ATP10B: variants seen among roughly 807,000 people sequenced by gnomAD.
ATP10B encodes the protein ATPase phospholipid transporting 10B (putative), also known as phospholipid-transporting ATPase VB.
A neutral mutation model predicts 141.2 loss-of-function variants in ATP10B; 122 were observed. The ratio of observed to expected loss-of-function variants is 0.86; its 90% confidence interval spans 0.75 to 1.00. The LOEUF (loss-of-function observed/expected upper bound fraction) is 1.00. Among genes scored for constraint, ATP10B ranks in the 50% least tolerant of loss-of-function variants. The probability of loss-of-function intolerance (pLI) is 0.00; values close to 1 mark genes in which losing one functional copy is unlikely to be tolerated. For missense variants in ATP10B, 1,876 were observed against 1,825.3 expected (o/e 1.03, Z -0.51); for synonymous variants, 685 against 692.0 (o/e 0.99, Z 0.16).
At chr5:160,867,856 A>G in the ATP10B span, among the ~76,000 whole-genome samples, 2 of 152,090 alleles carry the variant, frequency 1.3e-5, no homozygotes, top group Non-Finnish European at 2.9e-5. Flanking sequence ...AAATCACTCA[A>G]TTGTCTTCGT....
chr5:160,640,341 T>A, intron 10 of ATP10B, 120 bp downstream of exon 10: 2 of 1,143,654 alleles, frequency 1.7e-6, no homozygotes, highest in Non-Finnish European at 2.4e-6. Context: ...TGGCATCCCG[T>A]TAAAGTGGGC....
At chr5:160,841,949 T>C (rs1775834186) in intron 1 of ATP10B, among the ~76,000 whole-genome samples, 2 of 152,186 alleles carry the variant, frequency 1.3e-5, no homozygotes, top group African/African-American at 4.8e-5. Context: ...GGTCTTGAAC[T>C]CCTGACCTCA....
chr5:160,824,834 A>G (rs1186416342), intron 1 of ATP10B, among the ~76,000 whole-genome samples: 1 of 152,168 alleles, frequency 6.6e-6, no homozygotes, highest in East Asian at 1.9e-4. Flanking sequence ...ATTGCATGTG[A>G]GAAGGCACTA....
intron 22 of ATP10B, among the ~76,000 whole-genome samples, chr5:160,592,529 G>T (rs937399879): frequency 3.3e-5 from 5 of 152,350 alleles, no homozygotes; most frequent in Admixed American, 2.0e-4. Flanking sequence ...GAGGTACCGG[G>T]TTCATCTCAC....
At chr5:160,837,350 A>G (rs1437799527) in intron 1 of ATP10B, among the ~76,000 whole-genome samples, 1 of 152,164 alleles carries the variant, frequency 6.6e-6, no homozygotes, top group Non-Finnish European at 1.5e-5. Context: ...AGGTCAAGGG[A>G]TATATTTAAT....
At chr5:160,726,483 A>C (rs1433175915) in intron 2 of ATP10B, among the ~76,000 whole-genome samples, 2 of 152,176 alleles carry the variant, frequency 1.3e-5, no homozygotes. Context: ...TGTTAAACAG[A>C]TGCCATCAGG....
chr5:160,610,585 G>C (rs996674369), intron 18 of ATP10B, among the ~76,000 whole-genome samples: 2 of 152,174 alleles, frequency 1.3e-5, no homozygotes, highest in Admixed American at 6.5e-5. Context: ...ATTAGCATAG[G>C]TAATGTACTA....
At chr5:160,659,056 A>G (rs1761709151) in intron 7 of ATP10B, among the ~76,000 whole-genome samples, 1 of 152,204 alleles carries the variant, frequency 6.6e-6, no homozygotes, top group Non-Finnish European at 1.5e-5. Flanking sequence ...GGCCAATACT[A>G]AAATGTAAAT....
chr5:160,795,849 G>A (rs1414820166), intron 1 of ATP10B, among the ~76,000 whole-genome samples: 1 of 152,146 alleles, frequency 6.6e-6, no homozygotes, highest in Non-Finnish European at 1.5e-5. Flanking sequence ...CCCAGAGGAA[G>A]CATGGCTCTG....
the ATP10B span, among the ~76,000 whole-genome samples, chr5:160,915,182 T>C: frequency 6.6e-6 from 1 of 152,100 alleles, no homozygotes; most frequent in South Asian, 2.1e-4. Flanking sequence ...TTCAAAAATA[T>C]GATGAAATAA....
chr5:160,805,761 G>GGCTC (rs1289514558), intron 1 of ATP10B, among the ~76,000 whole-genome samples: 1 of 152,166 alleles, frequency 6.6e-6, no homozygotes, highest in East Asian at 1.9e-4. Flanking sequence ...GTGAGCAGCC[G>GGCTC]GCTCCAGATT....
At chr5:160,880,089 T>C in the ATP10B span, among the ~76,000 whole-genome samples, 3 of 149,782 alleles carry the variant, frequency 2.0e-5, no homozygotes, top group Non-Finnish European at 4.4e-5. Context: ...ATATATCATC[T>C]ATGTGAGAAA....
intron 7 of ATP10B, among the ~76,000 whole-genome samples, chr5:160,658,480 G>T (rs1045634395): frequency 1.1e-4 from 16 of 152,170 alleles, no homozygotes; most frequent in African/African-American, 3.9e-4. Flanking sequence ...AGATATAATG[G>T]ATATTTATTG....
intron 20 of ATP10B, chr5:160,603,681 G>A (rs1047449912): frequency 2.1e-5 from 9 of 420,410 alleles, no homozygotes; most frequent in Non-Finnish European, 3.5e-5. Flanking sequence ...CACTGGTGGT[G>A]GAAATACAAT....
chr5:160,626,269 C>A (rs1375080417), intron 13 of ATP10B, among the ~76,000 whole-genome samples: 1 of 152,186 alleles, frequency 6.6e-6, no homozygotes, highest in Non-Finnish European at 1.5e-5. Flanking sequence ...CCATTGTAGA[C>A]CATCTAAAAT....
At chr5:160,752,173 CTTTTTTT>C (rs561913092) in intron 2 of ATP10B, among the ~76,000 whole-genome samples, 6 of 123,312 alleles carry the variant, frequency 4.9e-5, no homozygotes, top group African/African-American at 5.9e-5. Context: ...AGTCCCCCTA[CTTTTTTT>C]TTTTTTTTTT....
chr5:160,900,855 A>G, the ATP10B span, among the ~76,000 whole-genome samples: 1 of 151,896 alleles, frequency 6.6e-6, no homozygotes, highest in African/African-American at 2.4e-5. Context: ...TGTCATTGAA[A>G]AAAGAACAAG....
In ATP10B at chr5:160,842,825, C is replaced by A. The variant is rs955991736; in HGVS notation, c.-576+9116G>T. On this transcript the variant is annotated intron_variant, in intron 1 of 25. Transcript: ENST00000327245. ...AAACATTCCCACACACACACACACACAAAAATCAGGGCCCATGTGGCTTGG... is the reference window on the plus strand; with the variant it reads ...AAACATTCCCACACACACACACACAAAAAAATCAGGGCCCATGTGGCTTGG... 5.9e-5 allele frequency among the ~76,000 whole-genome samples: 9 copies of A among 151,900 alleles called. 1 individual carries two copies. Among genetic ancestry groups the A allele is most frequent in the South Asian group, 2.1e-4 (1 of 4,812 alleles).
At chr5:160,792,396 G>T (rs1374975348) in intron 1 of ATP10B, among the ~76,000 whole-genome samples, 1 of 152,108 alleles carries the variant, frequency 6.6e-6, no homozygotes, top group Non-Finnish European at 1.5e-5. Context: ...GGGTATGTTG[G>T]TTGTGCAGCT....
Sources: allele counts gnomAD v4.1 joint callset (sites outside exome capture counted in the v4.1 genomes callset), GRCh38; gene constraint gnomAD v4.1.1; transcripts MANE v1.5; gene names NCBI Gene and HGNC (gene_info 2026-07-23, HGNC 2026-07-21).